Variants in TNFAIP8 observed in about 807,000 individuals in gnomAD.
The protein encoded by TNFAIP8 is TNF alpha induced protein 8, also known as tumor necrosis factor alpha-induced protein 8.
TNFAIP8 carries 7 observed loss-of-function variants against 13.3 expected under a neutral mutation model. That is an observed-to-expected ratio of 0.52 (90% CI 0.30 to 0.99). The LOEUF is 0.99. Ranked by LOEUF, TNFAIP8 falls within the 50% of genes least tolerant of loss-of-function variation. The pLI is 0.07. For missense variants in TNFAIP8, 258 were observed against 236.9 expected (o/e 1.09, Z -0.58); for synonymous variants, 94 against 87.6 (o/e 1.07, Z -0.41).
At position 119,320,651 on chromosome 5, in the gene TNFAIP8, C is replaced by T. The variant is rs1360343755; in HGVS notation, c.1+51744C>T. On this transcript the variant is annotated intron_variant, in intron 1 of 1. Transcript: ENST00000274456. ...TCAGTCTCTCAGTAGTAGTTGGCAT[C>T]ATCCATCCCGGCCCCCTTCTTTTTC... 9.2e-5 allele frequency among the ~76,000 whole-genome samples: 14 copies of T among 152,310 alleles called. No homozygotes were observed. In the South Asian group the frequency reaches 2.1e-3, roughly 23 times the overall value.
In TNFAIP8 at chr5:119,377,394, T is replaced by A. The variant is rs114224568; in HGVS notation, c.32-15422T>A. On this transcript the variant is annotated intron_variant, in intron 1 of 1. Coordinates refer to ENST00000504771, the MANE Select transcript of TNFAIP8 (RefSeq NM_014350.4). ...GTGAGACCCTGTCTCAAATAAATAA[T>A]TAAATAAGAAGTAAAAAAAAAATAA... is the stretch of plus-strand genomic sequence containing the variant. Among the ~76,000 whole-genome samples the A allele has an allele frequency of 2.9e-3, 444 of 150,534 alleles. 2 individuals are homozygous for A. Among genetic ancestry groups the A allele is most frequent in the African/African-American group, 0.01 (427 of 41,136 alleles).
intron 1 of TNFAIP8, among the ~76,000 whole-genome samples, chr5:119,320,479 C>T (rs538640055): frequency 6.6e-6 from 1 of 152,282 alleles, no homozygotes; most frequent in Non-Finnish European, 1.5e-5. Context: ...GGCAGAACTG[C>T]TAGAAGACTT....
intron 1 of TNFAIP8, among the ~76,000 whole-genome samples, chr5:119,270,925 C>G (rs927436790): frequency 1.3e-5 from 2 of 152,186 alleles, no homozygotes; most frequent in African/African-American, 4.8e-5. Flanking sequence ...TTAAGGGCAA[C>G]TTTTACTCCG....
At chr5:119,327,788 G>A (rs1033968456) in intron 1 of TNFAIP8, among the ~76,000 whole-genome samples, 1 of 152,086 alleles carries the variant, frequency 6.6e-6, no homozygotes, top group Non-Finnish European at 1.5e-5. Flanking sequence ...AGCAACCCTA[G>A]GAAGGAGGTT....
At chr5:119,294,509 G>T (rs968712310) in intron 1 of TNFAIP8, among the ~76,000 whole-genome samples, 6 of 152,194 alleles carry the variant, frequency 3.9e-5, no homozygotes, top group Middle Eastern at 3.4e-3. Context: ...ATAAACATAC[G>T]TGTGCATGTG....
intron 1 of TNFAIP8, among the ~76,000 whole-genome samples, chr5:119,294,892 G>C (rs1419637071): frequency 6.6e-6 from 1 of 151,330 alleles, no homozygotes; most frequent in East Asian, 2.0e-4. Context: ...GGGGTTGATT[G>C]TTTTTCTCTT....
chr5:119,336,327 C>A lies in TNFAIP8; in HGVS notation c.2-56489C>A, dbSNP rs976781049. Reference sequence around the variant, plus strand: ...CTGCCTCCTGCCTCTGGCACTCTTCCGGCCACCCTGCCTGCCCTGGGGGAT... The same window carrying A: ...CTGCCTCCTGCCTCTGGCACTCTTCAGGCCACCCTGCCTGCCCTGGGGGAT... On this transcript the variant is annotated intron_variant, in intron 1 of 1. Coordinates refer to the TNFAIP8 transcript ENST00000274456. Among the ~76,000 whole-genome samples, 4 of 152,162 alleles carry A rather than the reference C, an allele frequency of 2.6e-5. No homozygotes were observed. In the East Asian group the frequency reaches 7.7e-4, roughly 29 times the overall value.
At chr5:119,286,719 G>A (rs918167558) in intron 1 of TNFAIP8, among the ~76,000 whole-genome samples, 3 of 152,066 alleles carry the variant, frequency 2.0e-5, no homozygotes, top group South Asian at 2.1e-4. Context: ...GGCAATGTTT[G>A]TGGTGGCTCT....
chr5:119,379,836 G>A (rs1752419859), intron 1 of TNFAIP8, among the ~76,000 whole-genome samples: 1 of 152,000 alleles, frequency 6.6e-6, no homozygotes, highest in African/African-American at 2.4e-5. Flanking sequence ...CAGGTGATCT[G>A]CCCACCTCAG....
At chr5:119,290,943 C>G (rs1387987705) in intron 1 of TNFAIP8, among the ~76,000 whole-genome samples, 1 of 152,090 alleles carries the variant, frequency 6.6e-6, no homozygotes, top group Non-Finnish European at 1.5e-5. Context: ...TCTTGCATGC[C>G]AAGCTAAGGA....
At chr5:119,312,517 G>A (rs1022433945) in intron 1 of TNFAIP8, among the ~76,000 whole-genome samples, 3 of 152,046 alleles carry the variant, frequency 2.0e-5, no homozygotes, top group Admixed American at 1.3e-4. Flanking sequence ...AGGTTAAGAG[G>A]CTTAATGACA....
At chr5:119,284,876 A>AACTT (rs1180429951) in intron 1 of TNFAIP8, among the ~76,000 whole-genome samples, 1 of 152,156 alleles carries the variant, frequency 6.6e-6, no homozygotes, top group African/African-American at 2.4e-5. Context: ...AGGGAGGTGA[A>AACTT]ACTTAAATGT....
intron 1 of TNFAIP8, among the ~76,000 whole-genome samples, chr5:119,287,551 A>G (rs994881916): frequency 1.3e-5 from 2 of 152,052 alleles, no homozygotes; most frequent in African/African-American, 4.8e-5. Context: ...AGATCTCCAG[A>G]ACTTACTCAT....
chr5:119,392,800 CTT>C lies in TNFAIP8; in HGVS notation c.32-4_32-3del, dbSNP rs80269598. The C allele has an allele frequency of 4.6e-3, 6,159 of 1,353,554 alleles. No homozygotes were observed. Among genetic ancestry groups the C allele is most frequent in the South Asian group, 0.016 (1,060 of 67,772 alleles). 83.8% of individuals were successfully genotyped at this position (1,353,554 alleles called of 1,614,324 possible). On this transcript the variant is annotated splice_polypyrimidine_tract_variant and intron_variant, in intron 1 of 1. Transcript: ENST00000504771. ...TACTAATTGTTAATTCTTTTCCTCT[CTT>C]TTTTTTTTTTTAGTGGCCACAGATG... is the stretch of plus-strand genomic sequence containing the variant.
chr5:119,374,145 G>T (rs542219042), intron 1 of TNFAIP8, among the ~76,000 whole-genome samples: 1 of 151,768 alleles, frequency 6.6e-6, no homozygotes, highest in African/African-American at 2.4e-5. Flanking sequence ...TACAGGTAGC[G>T]TATCGCTTAT....
intron 1 of TNFAIP8, among the ~76,000 whole-genome samples, chr5:119,292,783 A>C (rs893639415): frequency 5.3e-5 from 8 of 150,370 alleles, no homozygotes; most frequent in African/African-American, 1.9e-4. Flanking sequence ...GTGCCAGGTA[A>C]GATAAACCAG....
At chr5:119,391,479 G>T (rs1350305628) in intron 1 of TNFAIP8, 4 of 699,336 alleles carry the variant, frequency 5.7e-6, no homozygotes, top group South Asian at 4.4e-5. Context: ...AGAGAAATGG[G>T]CCAGGTGCGG....
intron 1 of TNFAIP8, among the ~76,000 whole-genome samples, chr5:119,289,803 G>T (rs1431243721): frequency 2.0e-4 from 30 of 152,330 alleles, no homozygotes; most frequent in Admixed American, 1.9e-3. Context: ...AGTGAGGCGA[G>T]ATCTCTCTAT....
intron 1 of TNFAIP8, among the ~76,000 whole-genome samples, chr5:119,276,954 AT>A (rs1748472625): frequency 6.6e-6 from 1 of 152,168 alleles, no homozygotes; most frequent in African/African-American, 2.4e-5. Flanking sequence ...TATAAGCTAT[AT>A]TTTTTCCTAT....
Sources: allele counts gnomAD v4.1 joint callset (sites outside exome capture counted in the v4.1 genomes callset), GRCh38; gene constraint gnomAD v4.1.1; transcripts MANE v1.5; gene names NCBI Gene and HGNC (gene_info 2026-07-23, HGNC 2026-07-21).